Variants in GRAMD1B observed in about 807,000 individuals in gnomAD.
GRAMD1B encodes the protein GRAM domain containing 1B.
A neutral mutation model predicts 99.7 loss-of-function variants in GRAMD1B; 37 were observed. The observed-to-expected ratio is 0.37, with a 90% CI of 0.29 to 0.49. The LOEUF is 0.49. Ranked by LOEUF, GRAMD1B falls within the 20% of genes least tolerant of loss-of-function variation. The pLI is 0.98. For missense variants in GRAMD1B, 888 were observed against 1,009.2 expected (o/e 0.88, Z 1.63); for synonymous variants, 427 against 387.6 (o/e 1.10, Z -1.19).
At chr11:123,609,940 G>A in intron 13 of GRAMD1B, 27 bp downstream of exon 13, 1 of 1,258,088 alleles carries the variant, frequency 7.9e-7, no homozygotes, top group Non-Finnish European at 1.1e-6. Flanking sequence ...ATGCACAGAA[G>A]AGCGAGCTGG....
rs568575211 is a variant in GRAMD1B at position 123,589,577 on chromosome 11, G to A, written c.685-4505G>A. On this transcript the variant is annotated intron_variant, in intron 4 of 19. Coordinates refer to ENST00000635736, the MANE Select transcript of GRAMD1B (RefSeq NM_001387025.1). Reference sequence around the variant, plus strand: ...TCCTGCCTCAGCCTCCTGAGTAGCTGGGATTACAGACACCTGCCACCATGT... The same window carrying A: ...TCCTGCCTCAGCCTCCTGAGTAGCTAGGATTACAGACACCTGCCACCATGT... 3.9e-4 allele frequency among the ~76,000 whole-genome samples: 58 copies of A among 148,338 alleles called. No homozygotes were observed. The Middle Eastern group carries it at 0.014, about 36-fold the overall frequency.
intron 2 of GRAMD1B, among the ~76,000 whole-genome samples, chr11:123,488,201 C>T (rs1938101416): frequency 6.6e-6 from 1 of 152,152 alleles, no homozygotes; most frequent in Non-Finnish European, 1.5e-5. Flanking sequence ...TTTACGGCCC[C>T]ACCTCTTAAT....
intron 1 of GRAMD1B, among the ~76,000 whole-genome samples, chr11:123,390,517 G>A (rs1279585041): frequency 6.6e-6 from 1 of 152,168 alleles, no homozygotes; most frequent in Non-Finnish European, 1.5e-5. Flanking sequence ...TTTTATCTTT[G>A]TAATGAATTT....
At chr11:123,537,258 T>C (rs1413953329) in intron 2 of GRAMD1B, among the ~76,000 whole-genome samples, 1 of 152,214 alleles carries the variant, frequency 6.6e-6, no homozygotes, top group Non-Finnish European at 1.5e-5. Flanking sequence ...TCTTCTACTG[T>C]AGTGCAAATA....
rs771427393 is a variant in GRAMD1B at position 123,610,363 on chromosome 11, C to G, written c.1919+25C>G. 1 of 1,611,188 alleles carries G rather than the reference C, an allele frequency of 6.2e-7. No individual in the cohort carries two copies. Among genetic ancestry groups the G allele is most frequent in the Admixed American group, 1.7e-5 (1 of 60,000 alleles). On this transcript the variant is annotated intron_variant, in intron 14 of 19. Transcript: ENST00000635736. The surrounding 1 kb of genome is among the most constrained non-coding windows in gnomAD (Gnocchi z 4.1). ...GGTGTGGTGTGTGGAAGTCCCAGTG[C>G]GGTCAGACGGGGGTCCTTACCTTAG... is the stretch of plus-strand genomic sequence containing the variant.
At chr11:123,609,760 C>T (rs750720879) in intron 12 of GRAMD1B, 35 bp from the exon 13 acceptor site, 1 of 1,218,522 alleles carries the variant, frequency 8.2e-7, no homozygotes, top group African/African-American at 1.5e-5. Flanking sequence ...GCTCTGCCCT[C>T]CCTTCCTCAT....
intron 1 of GRAMD1B, among the ~76,000 whole-genome samples, chr11:123,424,540 C>T (rs1265242334): frequency 6.6e-6 from 1 of 152,198 alleles, no homozygotes; most frequent in African/African-American, 2.4e-5. Context: ...GCCTCATTGT[C>T]TAATCCTGTA....
At chr11:123,506,625 A>T (rs1346646312) in intron 2 of GRAMD1B, among the ~76,000 whole-genome samples, 1 of 152,222 alleles carries the variant, frequency 6.6e-6, no homozygotes, top group Non-Finnish European at 1.5e-5. Flanking sequence ...AGCAAAAAGC[A>T]AATACATACA....
intron 1 of GRAMD1B, among the ~76,000 whole-genome samples, chr11:123,410,702 C>A (rs982622893): frequency 2.0e-5 from 3 of 152,114 alleles, no homozygotes; most frequent in South Asian, 2.1e-4. Context: ...CAAAGAAGAT[C>A]TAGAAAGAAG....
intron 1 of GRAMD1B, among the ~76,000 whole-genome samples, chr11:123,368,962 A>G (rs911641729): frequency 1.3e-5 from 2 of 150,950 alleles, no homozygotes; most frequent in Non-Finnish European, 2.9e-5. Context: ...ATGGAATGAC[A>G]ACTTACAGGG....
chr11:123,595,827 A>T, intron 6 of GRAMD1B, 115 bp from the exon 7 acceptor site: 1 of 605,112 alleles, frequency 1.7e-6, no homozygotes, highest in Non-Finnish European at 3.0e-6. Context: ...TTCCAGGGTT[A>T]TAAATATGTG....
intron 3 of GRAMD1B, among the ~76,000 whole-genome samples, chr11:123,582,042 A>T (rs1949413266): frequency 1.3e-5 from 2 of 152,138 alleles, no homozygotes; most frequent in African/African-American, 2.4e-5. Flanking sequence ...GGAGCTTGGG[A>T]GATGGTTTCT....
chr11:123,433,480 A>G (rs1448209448), intron 1 of GRAMD1B, among the ~76,000 whole-genome samples: 2 of 152,224 alleles, frequency 1.3e-5, no homozygotes, highest in Non-Finnish European at 1.5e-5. Context: ...AGATTCTGCC[A>G]TATATACTGA....
chr11:123,554,613 G>C (rs1380882957), intron 2 of GRAMD1B, among the ~76,000 whole-genome samples: 1 of 152,122 alleles, frequency 6.6e-6, no homozygotes, highest in Non-Finnish European at 1.5e-5. Flanking sequence ...CGGAGGCTGA[G>C]GTGGGAGGAT....
chr11:123,442,909 G>T (rs986976519), intron 1 of GRAMD1B, among the ~76,000 whole-genome samples: 2 of 151,636 alleles, frequency 1.3e-5, no homozygotes, highest in African/African-American at 4.9e-5. Context: ...ACATTGCCAT[G>T]GCATTTGTAA....
chr11:123,478,961 T>C (rs1175127871), intron 1 of GRAMD1B, among the ~76,000 whole-genome samples: 1 of 152,246 alleles, frequency 6.6e-6, no homozygotes, highest in African/African-American at 2.4e-5. Flanking sequence ...GCTTGATTCA[T>C]ATAACAGGCC....
chr11:123,524,268 A>C (rs1221028174), intron 2 of GRAMD1B, among the ~76,000 whole-genome samples: 1 of 147,998 alleles, frequency 6.8e-6, no homozygotes, highest in Non-Finnish European at 1.5e-5. Flanking sequence ...ATAATAAGTC[A>C]TTACAAGTAT....
intron 4 of GRAMD1B, among the ~76,000 whole-genome samples, chr11:123,588,319 C>T (rs958199433): frequency 1.3e-5 from 2 of 151,908 alleles, no homozygotes; most frequent in Admixed American, 6.5e-5. Context: ...AGGGTCAATT[C>T]GTTCTCTGCT....
intron 2 of GRAMD1B, among the ~76,000 whole-genome samples, chr11:123,544,139 A>C (rs1023849466): frequency 6.6e-6 from 1 of 152,214 alleles, no homozygotes; most frequent in African/African-American, 2.4e-5. Context: ...TGGTCTGGGA[A>C]TTAGGCCTTT....
Sources: allele counts gnomAD v4.1 joint callset (sites outside exome capture counted in the v4.1 genomes callset), GRCh38; gene constraint gnomAD v4.1.1; non-coding constraint Gnocchi (gnomAD v3.1); transcripts MANE v1.5; gene names NCBI Gene and HGNC (gene_info 2026-07-23, HGNC 2026-07-21).